YIPF4: variants seen among roughly 807,000 people sequenced by gnomAD.
The protein encoded by YIPF4 is protein YIPF4.
In YIPF4, 18 loss-of-function variants were observed where a neutral mutation model predicts 29.4. The ratio of observed to expected loss-of-function variants is 0.61; its 90% confidence interval spans 0.42 to 0.91. The LOEUF (loss-of-function observed/expected upper bound fraction) is 0.91. Ranked by LOEUF, YIPF4 falls within the 40% of genes least tolerant of loss-of-function variation. YIPF4 has a pLI of 0.00. For synonymous variants in YIPF4, 115 were observed against 104.7 expected (o/e 1.10, Z -0.60); for missense variants, 279 against 282.7 (o/e 0.99, Z 0.09).
intron 5 of YIPF4, among the ~76,000 whole-genome samples, chr2:32,302,178 G>A (rs1385558710): frequency 3.3e-5 from 5 of 151,388 alleles, no homozygotes; most frequent in African/African-American, 4.9e-5. Context: ...CTACAGGTGC[G>A]CACCACCACA....
rs931390382 is a variant in YIPF4, at chr2:32,305,700, G to A, written c.*74G>A. 3.5e-5 allele frequency: 46 copies of A among 1,332,766 alleles called. 1 individual carries two copies. Among genetic ancestry groups the A allele is most frequent in the Admixed American group, 3.1e-5 (1 of 32,624 alleles). The allele number at this position is 1,332,766 out of a possible 1,614,324, so 82.6% of individuals were successfully genotyped here. ...GCTGGGAATTCTTGCTGAAGGAATTGGAGAAAACCTGTTGCTGCAAAATTT... is the reference window on the plus strand; with the variant it reads ...GCTGGGAATTCTTGCTGAAGGAATTAGAGAAAACCTGTTGCTGCAAAATTT... On this transcript the variant is annotated 3_prime_UTR_variant, in exon 6 of 6. Coordinates refer to ENST00000238831, the MANE Select transcript of YIPF4 (RefSeq NM_032312.4).
At chr2:32,305,462 C>G (rs746913517) in intron 5 of YIPF4, 27 bp from the exon 6 acceptor site, 2 of 1,455,054 alleles carry the variant, frequency 1.4e-6, no homozygotes, top group Non-Finnish European at 1.8e-6. Context: ...AATATGCTGC[C>G]TTTTGTCTTT....
rs552899492 is a variant in YIPF4, at chr2:32,315,545, C to T, written c.*9919C>T. On this transcript the variant is annotated 3_prime_UTR_variant, in exon 6 of 6. Transcript: ENST00000238831. ...CGGGCGGATCCTGAGGTCAGGAGAT[C>T]GAGACCATCCTGGTTAACGTGGTGA... 1.2e-4 allele frequency: 19 copies of T among 152,068 alleles called. No individual in the cohort carries two copies. Among genetic ancestry groups the T allele is most frequent in the African/African-American group, 2.9e-4 (12 of 41,462 alleles). The allele number at this position is 152,068 out of a possible 1,614,324, so 9.4% of individuals were successfully genotyped here. A position where few individuals can be genotyped will look rare whatever the true frequency, so the allele number is the denominator to read the frequency against.
At chr2:32,286,975 T>C (rs2030702804) in intron 1 of YIPF4, among the ~76,000 whole-genome samples, 1 of 152,176 alleles carries the variant, frequency 6.6e-6, no homozygotes, top group South Asian at 2.1e-4. Context: ...CCAGGCACAG[T>C]GGCTCGTGTC....
chr2:32,285,729 C>A (rs1203362425), intron 1 of YIPF4, among the ~76,000 whole-genome samples: 2 of 150,432 alleles, frequency 1.3e-5, no homozygotes, highest in Non-Finnish European at 3.0e-5. Context: ...GATCTCAGCT[C>A]ATTGCAACCT....
At chr2:32,286,412 A>G (rs1012538965) in intron 1 of YIPF4, among the ~76,000 whole-genome samples, 15 of 152,214 alleles carry the variant, frequency 9.9e-5, no homozygotes, top group Non-Finnish European at 1.9e-4. Flanking sequence ...TGTTTATCAG[A>G]TAAATTACAG....
chr2:32,278,266 C>T (rs552327015), intron 1 of YIPF4, 32 bp downstream of exon 1: 1 of 1,528,372 alleles, frequency 6.5e-7, no homozygotes, highest in South Asian at 1.2e-5. Context: ...GGCTATCACC[C>T]GGAGGAAGCC....
intron 1 of YIPF4, among the ~76,000 whole-genome samples, chr2:32,289,897 G>A (rs1393556806): frequency 6.6e-6 from 1 of 152,056 alleles, no homozygotes; most frequent in Non-Finnish European, 1.5e-5. Flanking sequence ...AATAACAGGG[G>A]ACTCTTACTC....
rs1307814899 is a variant in YIPF4, at chr2:32,292,243, A to G, written c.300A>G (p.Pro100=). Residue 100 remains proline, a synonymous_variant, in exon 3 of 6, where the codon CCA becomes CCG. Coordinates refer to ENST00000238831, the MANE Select transcript of YIPF4 (RefSeq NM_032312.4). ...YKIRCVLMPM[P]SLGFNRQVVR... is the part of the protein sequence containing the mutation. ...TCCGATGTGTTTTGATGCCAATGCC[A>G]TCACTTGGTTTTAATAGACAAGTGG... 2 of 1,604,476 alleles carry G rather than the reference A, an allele frequency of 1.2e-6. No homozygotes were observed. The highest frequency in any genetic ancestry group is 1.7e-6 in the Non-Finnish European group (2 of 1,174,804).
chr2:32,299,277 A>C (rs2031309871), intron 4 of YIPF4, among the ~76,000 whole-genome samples: 1 of 152,254 alleles, frequency 6.6e-6, no homozygotes, highest in African/African-American at 2.4e-5. Flanking sequence ...CATTTAAAGA[A>C]AAATAACCAT....
In YIPF4 at chr2:32,311,667, C is replaced by T. The variant is rs1039192525; in HGVS notation, c.*6041C>T. 6 of 152,186 alleles carry T rather than the reference C, an allele frequency of 3.9e-5. No individual in the cohort carries two copies. Among genetic ancestry groups the T allele is most frequent in the Non-Finnish European group, 8.8e-5 (6 of 68,028 alleles). The allele number at this position is 152,186 out of a possible 1,614,324, so 9.4% of individuals were successfully genotyped here. ...TGTTAATACTTACGAAAAAAGGAAG[C>T]ATTCCCACCTGTAATAATTTTGTTA... On this transcript the variant is annotated 3_prime_UTR_variant, in exon 6 of 6. Transcript: ENST00000238831.
intron 1 of YIPF4, among the ~76,000 whole-genome samples, chr2:32,279,134 A>AT (rs1414272287): frequency 1.3e-5 from 2 of 150,508 alleles, no homozygotes; most frequent in African/African-American, 2.4e-5. Flanking sequence ...CCCCCGACTA[A>AT]TTTTTTTTGT....
intron 3 of YIPF4, among the ~76,000 whole-genome samples, chr2:32,294,955 C>CTG (rs1188548231): frequency 1.3e-5 from 2 of 151,734 alleles, no homozygotes; most frequent in East Asian, 3.9e-4. Context: ...CAATGGCAGG[C>CTG]ACTCGGCAGG....
chr2:32,299,151 G>C lies in YIPF4; in HGVS notation c.483+840G>C, dbSNP rs963156995. On this transcript the variant is annotated intron_variant, in intron 4 of 5. Coordinates refer to ENST00000238831, the MANE Select transcript of YIPF4 (RefSeq NM_032312.4). The stretch of plus-strand genomic sequence containing the variant: ...AGCCTCGCAAAGTGCTAGGATTACC[G>C]GTGTGAACCACTGTGCCCAGCCAGA... 3.6e-4 allele frequency among the ~76,000 whole-genome samples: 54 copies of C among 152,096 alleles called. 1 individual carries two copies. Among genetic ancestry groups the C allele is most frequent in the African/African-American group, 1.3e-3 (52 of 41,422 alleles).
chr2:32,290,402 T>G (rs925125650), intron 1 of YIPF4, 81 bp from the exon 2 acceptor site: 41 of 1,063,916 alleles, frequency 3.9e-5, no homozygotes, highest in Non-Finnish European at 5.1e-5. Flanking sequence ...GATAATTATT[T>G]TAGTTGAATA....
In YIPF4 at chr2:32,311,885, C is replaced by G. The variant is rs1356495596; in HGVS notation, c.*6259C>G. 1 of 152,206 alleles carries G rather than the reference C, an allele frequency of 6.6e-6. No individual in the cohort carries two copies. Among genetic ancestry groups the G allele is most frequent in the Non-Finnish European group, 1.5e-5 (1 of 68,034 alleles). 9.4% of individuals were successfully genotyped at this position (152,206 alleles called of 1,614,324 possible). On this transcript the variant is annotated 3_prime_UTR_variant, in exon 6 of 6. Coordinates refer to ENST00000238831, the MANE Select transcript of YIPF4 (RefSeq NM_032312.4). The stretch of plus-strand genomic sequence containing the variant: ...AAGATAATGTAAAAGCAGATTGCTG[C>G]TATTTGCATAATAAGCACTTGTTGA...
In YIPF4 at chr2:32,293,068, TTTTA is replaced by T. The variant is rs879326951; in HGVS notation, c.405+740_405+743del. On this transcript the variant is annotated intron_variant, in intron 3 of 5. Coordinates refer to ENST00000238831, the MANE Select transcript of YIPF4 (RefSeq NM_032312.4). ...TTTATTTTTATTTTTATTTTTTTAT[TTTTA>T]TTTATTTATTTATTTATTTTTATTG... 9.1e-4 allele frequency among the ~76,000 whole-genome samples: 134 copies of T among 147,404 alleles called. 2 individuals carry two copies. The highest frequency in any genetic ancestry group is 3.4e-3 in the Middle Eastern group (1 of 292).
At position 32,310,583 on chromosome 2, in the gene YIPF4, A is replaced by G. The variant is rs1180465035; in HGVS notation, c.*4957A>G. ...TTCAATCCTAGTTTGTTTGGGAAAA[A>G]AAAATTGTTTGTATGCCTGGGTACA... On this transcript the variant is annotated 3_prime_UTR_variant, in exon 6 of 6. Coordinates refer to ENST00000238831, the MANE Select transcript of YIPF4 (RefSeq NM_032312.4). 6.6e-6 allele frequency: 1 copy of G among 152,192 alleles called. No individual in the cohort carries two copies. Among genetic ancestry groups the G allele is most frequent in the Non-Finnish European group, 1.5e-5 (1 of 68,038 alleles). The allele number at this position is 152,192 out of a possible 1,614,324, so 9.4% of individuals were successfully genotyped here. A position where few individuals can be genotyped will look rare whatever the true frequency, so the allele number is the denominator to read the frequency against.
Position 32,278,165 on chromosome 2 carries a change from C to T in YIPF4, c.10C>T (p.Pro4Ser), listed in dbSNP as rs1329113822. MQP[P>S]GPPPAYAPTN... ...TGGGAGTCGCCGCGAGATGCAGCCT[C>T]CGGGCCCGCCCCCGGCCTATGCCCC... Residue 4 changes from proline (P) to serine (S), a missense_variant, in exon 1 of 6, where the codon CCG (proline) becomes TCG (serine). Transcript: ENST00000238831. 1 of 1,564,510 alleles carries T rather than the reference C, an allele frequency of 6.4e-7. No homozygotes were observed. The highest frequency in any genetic ancestry group is 8.7e-7 in the Non-Finnish European group (1 of 1,155,826).
Sources: gnomAD v4.1 joint callset for allele counts (sites outside exome capture counted in the v4.1 genomes callset) on GRCh38, gnomAD v4.1.1 for gene constraint, MANE v1.5 for transcripts, NCBI Gene and HGNC (gene_info 2026-07-23, HGNC 2026-07-21) for gene names.